Variants in CSMD1 observed in about 807,000 individuals in gnomAD.
CSMD1 encodes CUB and Sushi multiple domains 1.
In CSMD1, 213 loss-of-function variants were observed where a neutral mutation model predicts 417.5. The observed-to-expected ratio is 0.51, with a 90% CI of 0.46 to 0.57. CSMD1 has a LOEUF of 0.57. Among genes scored for constraint, CSMD1 ranks in the 20% least tolerant of loss-of-function variants. The pLI, the probability that CSMD1 is intolerant of heterozygous loss-of-function variation, is 0.00. For missense variants in CSMD1, 6,923 were observed against 4,529.7 expected (o/e 1.53, Z -15.17); for synonymous variants, 2,862 against 1,736.8 (o/e 1.65, Z -16.11).
At chr8:3,825,215 G>A (rs1276369280) in intron 5 of CSMD1, among the ~76,000 whole-genome samples, 2 of 152,116 alleles carry the variant, frequency 1.3e-5, no homozygotes, top group African/African-American at 4.8e-5. Flanking sequence ...CATAAAATAA[G>A]TGAATCCAAA....
chr8:4,112,961 A>G (rs1257559830), intron 3 of CSMD1, among the ~76,000 whole-genome samples: 1 of 152,176 alleles, frequency 6.6e-6, no homozygotes, highest in Non-Finnish European at 1.5e-5. Flanking sequence ...CATTTTGGTA[A>G]TTCTTTCAAT....
intron 17 of CSMD1, among the ~76,000 whole-genome samples, chr8:3,391,056 T>C (rs749758109): frequency 1.3e-5 from 2 of 152,236 alleles, no homozygotes; most frequent in Non-Finnish European, 2.9e-5. Flanking sequence ...TGCGTGTGCC[T>C]GTGAGTGTTA....
intron 7 of CSMD1, among the ~76,000 whole-genome samples, chr8:3,657,372 A>G (rs1798181940): frequency 6.6e-6 from 1 of 152,206 alleles, no homozygotes; most frequent in African/African-American, 2.4e-5. Context: ...CTCTGCAATG[A>G]AACTATAAAA....
chr8:3,642,308 T>C (rs553932449), intron 7 of CSMD1, among the ~76,000 whole-genome samples: 9 of 151,150 alleles, frequency 6.0e-5, no homozygotes, highest in African/African-American at 2.2e-4. Context: ...TCAGAAAGAG[T>C]GAAAAGAACT....
At chr8:3,689,574 A>T (rs1800126366) in intron 7 of CSMD1, among the ~76,000 whole-genome samples, 2 of 152,144 alleles carry the variant, frequency 1.3e-5, no homozygotes, top group Non-Finnish European at 2.9e-5. Flanking sequence ...ACATTCACCT[A>T]AGGACAGTTC....
intron 5 of CSMD1, among the ~76,000 whole-genome samples, chr8:3,963,690 C>T (rs1812481343): frequency 6.6e-6 from 1 of 152,024 alleles, no homozygotes; most frequent in Admixed American, 6.6e-5. Flanking sequence ...AGTGAATATA[C>T]ATAGATTTCA....
At chr8:3,812,134 A>G (rs1461743928) in intron 5 of CSMD1, among the ~76,000 whole-genome samples, 1 of 152,186 alleles carries the variant, frequency 6.6e-6, no homozygotes, top group Non-Finnish European at 1.5e-5. Context: ...CCATATTTGT[A>G]TTCATATTCA....
chr8:3,283,732 A>C (rs552751909), intron 26 of CSMD1, among the ~76,000 whole-genome samples: 1 of 152,340 alleles, frequency 6.6e-6, no homozygotes, highest in South Asian at 2.1e-4. Context: ...ACATAGACAC[A>C]CAGGGAAGAA....
intron 3 of CSMD1, among the ~76,000 whole-genome samples, chr8:4,182,644 G>A (rs912721527): frequency 6.6e-6 from 1 of 152,020 alleles, no homozygotes; most frequent in Non-Finnish European, 1.5e-5. Flanking sequence ...CTCATTTTCA[G>A]GAGTGACCCC....
intron 41 of CSMD1, among the ~76,000 whole-genome samples, chr8:3,122,375 C>G (rs1430313279): frequency 6.6e-6 from 1 of 152,096 alleles, no homozygotes; most frequent in African/African-American, 2.4e-5. Context: ...AGACACTCTA[C>G]AAAGATTTAC....
At chr8:4,432,686 G>A (rs758618342) in intron 2 of CSMD1, among the ~76,000 whole-genome samples, 4 of 152,160 alleles carry the variant, frequency 2.6e-5, no homozygotes, top group South Asian at 2.1e-4. Context: ...TTCAAACCCT[G>A]GCGTCTCTCT....
rs139126200 is a variant in CSMD1, at chr8:4,691,962, C to T, written c.86-54404G>A. 3.4e-4 allele frequency among the ~76,000 whole-genome samples: 52 copies of T among 152,310 alleles called. 1 individual carries two copies. Among genetic ancestry groups the T allele is most frequent in the African/African-American group, 9.1e-4 (38 of 41,568 alleles). On this transcript the variant is annotated intron_variant, in intron 1 of 69. Transcript: ENST00000635120. ...TTTATGGCAAATAAACTGCAGCTCTCGTTTTATGAGCTCTCCTCTGTCTCA... is the reference window on the plus strand; with the variant it reads ...TTTATGGCAAATAAACTGCAGCTCTTGTTTTATGAGCTCTCCTCTGTCTCA...
chr8:4,094,727 C>G (rs1031500822), intron 3 of CSMD1, among the ~76,000 whole-genome samples: 1 of 152,140 alleles, frequency 6.6e-6, no homozygotes, highest in South Asian at 2.1e-4. Flanking sequence ...AGTGGGGAGC[C>G]TCCTTCTCCA....
At chr8:4,303,227 A>G (rs926177044) in intron 3 of CSMD1, among the ~76,000 whole-genome samples, 11 of 152,158 alleles carry the variant, frequency 7.2e-5, no homozygotes, top group African/African-American at 2.4e-4. Context: ...GGCATCATCT[A>G]TTTCAGATAA....
At chr8:4,458,522 GAA>G (rs540050533) in intron 2 of CSMD1, among the ~76,000 whole-genome samples, 5 of 152,140 alleles carry the variant, frequency 3.3e-5, no homozygotes, top group Admixed American at 3.3e-4. Flanking sequence ...TGTATAGTGT[GAA>G]AGAGGTATGT....
chr8:4,121,630 A>T (rs1329455750), intron 3 of CSMD1, among the ~76,000 whole-genome samples: 3 of 152,142 alleles, frequency 2.0e-5, no homozygotes, highest in African/African-American at 4.8e-5. Flanking sequence ...TAAAAAAAAA[A>T]AAAAGAAGTG....
chr8:4,718,262 C>T (rs567017556), intron 1 of CSMD1, among the ~76,000 whole-genome samples: 1 of 152,134 alleles, frequency 6.6e-6, no homozygotes, highest in African/African-American at 2.4e-5. Context: ...CAGGTGTGAG[C>T]CACCATGCTA....
intron 4 of CSMD1, among the ~76,000 whole-genome samples, chr8:4,006,152 T>C (rs564082375): frequency 1.3e-4 from 20 of 152,340 alleles, no homozygotes; most frequent in Non-Finnish European, 1.5e-4. Context: ...ATGATTTATG[T>C]ACTGCAAATT....
chr8:3,697,296 A>G (rs549366196), intron 7 of CSMD1, among the ~76,000 whole-genome samples: 14 of 152,314 alleles, frequency 9.2e-5, no homozygotes, highest in African/African-American at 3.4e-4. Context: ...ACCAGAAAAC[A>G]TTTTCGGTTT....
Sources: gnomAD v4.1 joint callset for allele counts (sites outside exome capture counted in the v4.1 genomes callset) on GRCh38, gnomAD v4.1.1 for gene constraint, MANE v1.5 for transcripts, NCBI Gene and HGNC (gene_info 2026-07-23, HGNC 2026-07-21) for gene names.